Variants in PLCH2 observed in about 807,000 individuals in gnomAD.
PLCH2 encodes the protein 1-phosphatidylinositol 4,5-bisphosphate phosphodiesterase eta-2.
Under a neutral mutation model 134.7 loss-of-function variants are expected in PLCH2, and 98 were observed. The observed-to-expected ratio is 0.73, with a 90% confidence interval of 0.62 to 0.86. The LOEUF is 0.86. Ranked by LOEUF, PLCH2 falls within the 40% of genes least tolerant of loss-of-function variation. The pLI is 0.00. For missense variants in PLCH2, 1,994 were observed against 1,986.6 expected, an observed-to-expected ratio of 1.00 and a Z score of -0.07; for synonymous variants, 974 against 827.5, an observed-to-expected ratio of 1.18 and a Z score of -3.04.
Position 2,477,747 on chromosome 1 carries a change from G to A in PLCH2, c.125-729G>A, listed in dbSNP as rs372827858. On this transcript the variant is annotated intron_variant, in intron 1 of 21. Coordinates refer to ENST00000378486, the MANE Select transcript of PLCH2 (RefSeq NM_014638.4). ...GGGGAGGGGAGGGGTTGTGAAGCTC[G>A]GATCCGGCACCACAGCCTCCCAAGT... 4.9e-3 allele frequency among the ~76,000 whole-genome samples: 745 copies of A among 152,324 alleles called. 7 individuals are homozygous for A. The highest frequency in any genetic ancestry group is 0.017 in the African/African-American group (689 of 41,566).
chr1:2,498,557 C>A lies in PLCH2; in HGVS notation c.2259C>A (p.Pro753=), dbSNP rs370514223. Reference sequence around the variant, plus strand: ...ACCCCAACTCGGAGGACCCCCTGCCCGGGCAGCTCAAGAAGCAGCTGGTGC... The same window carrying A: ...ACCCCAACTCGGAGGACCCCCTGCCAGGGCAGCTCAAGAAGCAGCTGGTGC... ...VFNPNSEDPL[P]GQLKKQLVLR... Residue 753 remains proline (P), a synonymous_variant, in exon 17 of 22, where the codon CCC becomes CCA. Coordinates refer to ENST00000378486, the MANE Select transcript of PLCH2 (RefSeq NM_014638.4). The surrounding 1 kb of genome is among the most constrained non-coding windows in gnomAD (Gnocchi z 5.4). 3 of 1,607,076 alleles carry A rather than the reference C, an allele frequency of 1.9e-6. No individual in the cohort carries two copies. The highest frequency in any genetic ancestry group is 1.7e-5 in the Admixed American group (1 of 59,672).
At chr1:2,452,330 G>A (rs1013661149) in intron 2 of PLCH2, among the ~76,000 whole-genome samples, 4 of 152,280 alleles carry the variant, frequency 2.6e-5, no homozygotes, top group East Asian at 1.9e-4. Context: ...TAGCAGCCCC[G>A]TGGAAGTATT....
chr1:2,434,507 C>A (rs1225680006), intron 2 of PLCH2, among the ~76,000 whole-genome samples: 1 of 152,236 alleles, frequency 6.6e-6, no homozygotes, highest in Non-Finnish European at 1.5e-5. Context: ...CCTTTGTAGA[C>A]AAAGCAGCTG....
chr1:2,430,045 G>A (rs563775125), intron 1 of PLCH2, among the ~76,000 whole-genome samples: 3 of 152,324 alleles, frequency 2.0e-5, no homozygotes, highest in South Asian at 2.1e-4. Flanking sequence ...GTGGCCTCGG[G>A]TCCCTGGTCT....
intron 2 of PLCH2, among the ~76,000 whole-genome samples, chr1:2,461,867 TC>T (rs200627728): frequency 2.0e-5 from 2 of 98,328 alleles, no homozygotes; most frequent in South Asian, 3.8e-4. Context: ...GCCAGACTCA[TC>T]CCCCCCAGGG....
chr1:2,484,525 C>T lies in PLCH2; in HGVS notation c.723C>T (p.Arg241=), dbSNP rs995870512. ...FCAFYKMMST[R]RDLYLLMLTY... ...CCTTCTACAAGATGATGTCCACCCG[C>T]CGGGACCTCTACCTGCTCATGCTGA... Residue 241 remains arginine, a synonymous_variant, in exon 5 of 22, where the codon CGC becomes CGT. Transcript: ENST00000378486. 12 of 1,613,238 alleles carry T rather than the reference C, an allele frequency of 7.4e-6. No homozygotes were observed. The highest frequency in any genetic ancestry group is 6.7e-5 in the Admixed American group (4 of 59,988).
rs113231490 is a variant in PLCH2, at chr1:2,489,587, G to A, written c.1408-173G>A. On this transcript the variant is annotated intron_variant, in intron 9 of 21. Transcript: ENST00000378486. ...TGCACATCCAGGCCTTTCCCTTCAC[G>A]CTGCTGCAGCCACAGGGAGCTGGCC... Among the ~76,000 whole-genome samples the A allele has an allele frequency of 5.7e-3, 868 of 152,328 alleles. 9 individuals carry two copies. The highest frequency in any genetic ancestry group is 0.02 in the African/African-American group (818 of 41,564).
chr1:2,495,529 G>C lies in PLCH2; in HGVS notation c.1794G>C (p.Glu598Asp). 1 of 1,551,966 alleles carries C rather than the reference G, an allele frequency of 6.4e-7. No homozygotes were observed. Among genetic ancestry groups the C allele is most frequent in the Non-Finnish European group, 8.7e-7 (1 of 1,147,226 alleles). ...TGAAGAAGGCGGCCAGCGTGGAGGA[G>C]GGAGATGAGGGTCAGGACTCCCCGG... Reference protein sequence around the residue: ...SKLKKAASVEEGDEGQDSPGG... With the variant: ...SKLKKAASVEDGDEGQDSPGG... Residue 598 changes from glutamate (E) to aspartate (D), a missense_variant, in exon 13 of 22, where the codon GAG becomes GAC. Around this residue, in one of 2 missense-constraint regions of PLCH2, gnomAD observed 1,094 missense variants for 1,234.3 expected, o/e 0.89. Coordinates refer to ENST00000378486, the MANE Select transcript of PLCH2 (RefSeq NM_014638.4).
At chr1:2,435,586 A>G (rs951590653) in intron 2 of PLCH2, among the ~76,000 whole-genome samples, 6 of 151,926 alleles carry the variant, frequency 3.9e-5, no homozygotes, top group African/African-American at 1.2e-4. Flanking sequence ...CCTGGGGAGG[A>G]CAGAGGTGGG....
intron 11 of PLCH2, among the ~76,000 whole-genome samples, chr1:2,492,923 C>G (rs1301012416): frequency 6.6e-6 from 1 of 152,002 alleles, no homozygotes; most frequent in Non-Finnish European, 1.5e-5. Flanking sequence ...AAGGAGGGGC[C>G]CCACCCCCAG....
At chr1:2,486,820 C>T in intron 5 of PLCH2, 87 bp from the exon 6 acceptor site, 1 of 984,404 alleles carries the variant, frequency 1.0e-6, no homozygotes, top group Non-Finnish European at 1.6e-6. Flanking sequence ...CAGAGACAGG[C>T]AGGGGACAGT....
intron 2 of PLCH2, among the ~76,000 whole-genome samples, chr1:2,431,928 C>G (rs982958320): frequency 2.0e-5 from 3 of 152,186 alleles, no homozygotes; most frequent in Non-Finnish European, 4.4e-5. Context: ...CCTGCCCCCA[C>G]TGATGCCAGC....
intron 11 of PLCH2, chr1:2,494,626 G>A (rs1325618939): frequency 3.4e-6 from 2 of 589,192 alleles, no homozygotes; most frequent in African/African-American, 3.7e-5. Context: ...TGACTTTCAG[G>A]CCGCTTCTCC....
Position 2,498,795 on chromosome 1 carries a change from A to G in PLCH2, c.2401A>G (p.Ser801Gly). The change falls in exon 18 of 22, where the codon AGC (serine) becomes GGC (glycine). Residue 801 changes from serine to glycine, a missense_variant. Transcript: ENST00000378486. The surrounding 1 kb of genome is among the most constrained non-coding windows in gnomAD (Gnocchi z 5.4). Reference protein sequence around the residue: ...VEIIGLPVDCSREQTRVVDDN... With the variant: ...VEIIGLPVDCGREQTRVVDDN... ...GATCATTGGGCTCCCTGTGGACTGC[A>G]GCAGGGAGCAGACCCGCGTGGTGGA... The G allele has an allele frequency of 2.5e-6, 4 of 1,610,960 alleles. No homozygotes were observed. The South Asian group carries it at 3.3e-5, about 13-fold the overall frequency.
intron 10 of PLCH2, among the ~76,000 whole-genome samples, chr1:2,490,974 C>T (rs1642542827): frequency 6.6e-6 from 1 of 152,248 alleles, no homozygotes; most frequent in Non-Finnish European, 1.5e-5. Flanking sequence ...AGAAGCCGCA[C>T]AGGCTCTGCT....
intron 2 of PLCH2, among the ~76,000 whole-genome samples, chr1:2,461,788 A>C (rs550905194): frequency 6.6e-5 from 10 of 152,212 alleles, no homozygotes; most frequent in Non-Finnish European, 1.3e-4. Context: ...GCTTGGGGGA[A>C]CCAGGAGCAG....
rs896754755 is a variant in PLCH2 at position 2,497,475 on chromosome 1, C to T, written c.2117-27C>T. On this transcript the variant is annotated intron_variant, in intron 15 of 21. Transcript: ENST00000378486. ...CACACCTGGAAGGTCAGGTGCTGAC[C>T]AGGGCAGCCTTGTGTCACCCTCGCA... 8.6e-6 allele frequency: 13 copies of T among 1,505,866 alleles called. No individual in the cohort carries two copies. The African/African-American group carries it at 1.7e-4, about 19-fold the overall frequency. 93.3% of individuals were successfully genotyped at this position (1,505,866 alleles called of 1,614,324 possible). A position where few individuals can be genotyped will look rare whatever the true frequency, so the allele number is the denominator to read the frequency against.
rs555526725 is a variant in PLCH2, at chr1:2,481,148, C to CCCTGCCAGCT, written c.645+857_645+866dup. 7.0e-3 allele frequency among the ~76,000 whole-genome samples: 1,063 copies of CCCTGCCAGCT among 152,382 alleles called. 16 individuals are homozygous for CCCTGCCAGCT. The highest frequency in any genetic ancestry group is 0.023 in the African/African-American group (943 of 41,580). ...GCCTGACAGCTCCGCCGTGTCCAGCCCCTGCCAGCTCCTGCCAGCTCCTGC... is the reference window on the plus strand; with the variant it reads ...GCCTGACAGCTCCGCCGTGTCCAGCCCCTGCCAGCTCCTGCCAGCTCCTGCCAGCTCCTGC... On this transcript the variant is annotated intron_variant, in intron 4 of 21. Coordinates refer to ENST00000378486, the MANE Select transcript of PLCH2 (RefSeq NM_014638.4).
At chr1:2,443,511 G>T (rs1024281047) in intron 2 of PLCH2, among the ~76,000 whole-genome samples, 3 of 152,134 alleles carry the variant, frequency 2.0e-5, no homozygotes, top group Non-Finnish European at 2.9e-5. Context: ...GGAGGCGGAG[G>T]GGGAGGTGTG....
Sources: gnomAD v4.1 joint callset for allele counts (sites outside exome capture counted in the v4.1 genomes callset) on GRCh38, gnomAD v4.1.1 for gene constraint, gnomAD v4.1.1 regional missense constraint, Gnocchi (gnomAD v3.1) non-coding constraint, MANE v1.5 for transcripts, NCBI Gene and HGNC (gene_info 2026-07-23, HGNC 2026-07-21) for gene names.